Variants in TBC1D5 observed in about 807,000 individuals in gnomAD.
The protein encoded by TBC1D5 is TBC1 domain family, member 5.
Under a neutral mutation model 100.3 loss-of-function variants are expected in TBC1D5, and 75 were observed. That is an observed-to-expected ratio of 0.75 (90% CI 0.62 to 0.91). TBC1D5 has a LOEUF of 0.91. TBC1D5 is among the 40% of genes least tolerant of loss of function. The pLI, the probability that TBC1D5 is intolerant of heterozygous loss-of-function variation, is 0.00. For missense variants in TBC1D5, 910 were observed against 942.4 expected (o/e 0.97, Z 0.45); for synonymous variants, 323 against 325.6 (o/e 0.99, Z 0.09).
chr3:17,266,933 A>G (rs1365796388), intron 15 of TBC1D5, among the ~76,000 whole-genome samples: 1 of 152,108 alleles, frequency 6.6e-6, no homozygotes, highest in Non-Finnish European at 1.5e-5. Flanking sequence ...TTAAAAAAAA[A>G]GGAAGCAAAA....
intron 21 of TBC1D5, among the ~76,000 whole-genome samples, chr3:17,161,624 A>G (rs540222745): frequency 6.6e-6 from 1 of 152,360 alleles, no homozygotes; most frequent in East Asian, 1.9e-4. Flanking sequence ...GGACCCTGCC[A>G]TGCAAATCAC....
intron 3 of TBC1D5, among the ~76,000 whole-genome samples, chr3:17,452,843 C>A (rs935809298): frequency 1.3e-5 from 2 of 151,970 alleles, no homozygotes; most frequent in Non-Finnish European, 2.9e-5. Flanking sequence ...AACATTTCAT[C>A]CAACAGGTTC....
At chr3:17,281,208 G>A (rs1338423601) in intron 15 of TBC1D5, among the ~76,000 whole-genome samples, 7 of 152,162 alleles carry the variant, frequency 4.6e-5, no homozygotes, top group Admixed American at 2.0e-4. Context: ...ATGGTTCCAC[G>A]ATGCTACTGA....
intron 19 of TBC1D5, 21 bp downstream of exon 20, chr3:17,185,088 G>T: frequency 6.2e-7 from 1 of 1,606,598 alleles, no homozygotes; most frequent in South Asian, 1.1e-5. Context: ...ATCGTTCCCA[G>T]GGCCAAAGTA....
chr3:17,588,055 G>T (rs2096743373), intron 2 of TBC1D5, among the ~76,000 whole-genome samples: 1 of 151,944 alleles, frequency 6.6e-6, no homozygotes, highest in South Asian at 2.1e-4. Context: ...ACGGTAACAA[G>T]AAAAAGTAAC....
intron 1 of TBC1D5, among the ~76,000 whole-genome samples, chr3:17,688,442 T>A (rs1486330847): frequency 1.3e-5 from 2 of 152,230 alleles, no homozygotes; most frequent in African/African-American, 4.8e-5. Context: ...TTATTTTTCA[T>A]AAAAATGTTG....
chr3:17,394,023 C>T (rs2093430866), intron 8 of TBC1D5, among the ~76,000 whole-genome samples: 1 of 152,098 alleles, frequency 6.6e-6, no homozygotes, highest in South Asian at 2.1e-4. Flanking sequence ...AAACTATCAT[C>T]AGAGTGAACA....
intron 3 of TBC1D5, among the ~76,000 whole-genome samples, chr3:17,476,035 C>T (rs1289862654): frequency 6.6e-6 from 1 of 151,952 alleles, no homozygotes; most frequent in Admixed American, 6.6e-5. Context: ...AAAATATAGG[C>T]CTTTTTCATG....
At chr3:17,482,408 T>A (rs1024708373) in intron 3 of TBC1D5, among the ~76,000 whole-genome samples, 2 of 152,210 alleles carry the variant, frequency 1.3e-5, no homozygotes, top group African/African-American at 4.8e-5. Context: ...ATGCAATTTA[T>A]CAAGAAATGT....
intron 1 of TBC1D5, among the ~76,000 whole-genome samples, chr3:17,658,788 G>A (rs552277817): frequency 3.9e-5 from 6 of 151,982 alleles, no homozygotes; most frequent in African/African-American, 7.3e-5. Context: ...TCAGCCTCCC[G>A]AGTAGCTGGG....
At chr3:17,380,089 GTA>G (rs1559760974) in intron 9 of TBC1D5, among the ~76,000 whole-genome samples, 8 of 148,332 alleles carry the variant, frequency 5.4e-5, no homozygotes, top group African/African-American at 1.7e-4. Context: ...GTGTGTGTGT[GTA>G]TACACATCCA....
At chr3:17,220,556 C>T (rs1281017140) in intron 17 of TBC1D5, among the ~76,000 whole-genome samples, 1 of 152,014 alleles carries the variant, frequency 6.6e-6, no homozygotes, top group Non-Finnish European at 1.5e-5. Context: ...TCTTTTATGT[C>T]TTTTATTTTT....
chr3:17,384,680 T>C (rs1456557702), intron 8 of TBC1D5, among the ~76,000 whole-genome samples: 1 of 151,680 alleles, frequency 6.6e-6, no homozygotes, highest in African/African-American at 2.4e-5. Flanking sequence ...GGAACATCAG[T>C]GGAAAAGGTA....
At chr3:17,704,094 T>C (rs1198248070) in intron 1 of TBC1D5, among the ~76,000 whole-genome samples, 1 of 143,398 alleles carries the variant, frequency 7.0e-6, no homozygotes, top group African/African-American at 2.6e-5. Flanking sequence ...GTGTCCCTGA[T>C]TACTTGAGAT....
At chr3:17,735,545 G>T (rs916949266) in intron 1 of TBC1D5, among the ~76,000 whole-genome samples, 4 of 152,158 alleles carry the variant, frequency 2.6e-5, no homozygotes, top group Non-Finnish European at 5.9e-5. Flanking sequence ...GGGGTTCTTG[G>T]CCTCACAGAT....
chr3:17,160,030 A>C (rs2124974324), exon 22 of TBC1D5: 1 of 152,182 alleles, frequency 6.6e-6, no homozygotes, highest in African/African-American at 2.4e-5. Context: ...CTGAAACCAG[A>C]GAAACCTGAC....
chr3:17,232,773 C>T (rs894102065), intron 17 of TBC1D5, among the ~76,000 whole-genome samples: 1 of 151,926 alleles, frequency 6.6e-6, no homozygotes, highest in Non-Finnish European at 1.5e-5. Flanking sequence ...TTCCACCCCC[C>T]CTAAAAAAAT....
intron 4 of TBC1D5, among the ~76,000 whole-genome samples, chr3:17,415,416 TCCCAAAGGG>T (rs2094041716): frequency 6.6e-6 from 1 of 151,814 alleles, no homozygotes; most frequent in African/African-American, 2.4e-5. Context: ...TGCCTCAGCC[TCCCAAAGGG>T]CTGGAATACT....
chr3:17,547,917 T>C (rs2096434371), intron 2 of TBC1D5, among the ~76,000 whole-genome samples: 1 of 152,236 alleles, frequency 6.6e-6, no homozygotes, highest in African/African-American at 2.4e-5. Flanking sequence ...ATTTTTCTTT[T>C]ACTTCTTTTA....
Sources: gnomAD v4.1 joint callset for allele counts (sites outside exome capture counted in the v4.1 genomes callset) on GRCh38, gnomAD v4.1.1 for gene constraint, MANE v1.5 for transcripts, NCBI Gene and HGNC (gene_info 2026-07-23, HGNC 2026-07-21) for gene names.